DCAF11: variants seen among roughly 807,000 people sequenced by gnomAD.
The protein encoded by DCAF11 is DDB1- and CUL4-associated factor 11.
DCAF11 carries 44 observed loss-of-function variants against 76.1 expected under a neutral mutation model. The ratio of observed to expected loss-of-function variants is 0.58; its 90% CI spans 0.45 to 0.74. DCAF11 has a LOEUF of 0.74. Among genes scored for constraint, DCAF11 ranks in the 30% least tolerant of loss-of-function variants. The pLI, the probability that DCAF11 is intolerant of heterozygous loss-of-function variation, is 0.00. For synonymous variants in DCAF11, 258 were observed against 255.0 expected (o/e 1.01, Z -0.11); for missense variants, 604 against 709.4 (o/e 0.85, Z 1.69).
At chr14:24,116,662 G>T (rs1029854760) in intron 2 of DCAF11, among the ~76,000 whole-genome samples, 4 of 152,220 alleles carry the variant, frequency 2.6e-5, no homozygotes, top group Non-Finnish European at 4.4e-5. Flanking sequence ...AGGAAATGAT[G>T]TTAGAATGTT....
At chr14:24,120,779 CT>C in intron 11 of DCAF11, 58 bp from the exon 12 acceptor site, 1 of 1,596,274 alleles carries the variant, frequency 6.3e-7, no homozygotes, top group Non-Finnish European at 8.6e-7. Context: ...GGGAACTAGA[CT>C]GACAGGCGCC....
chr14:24,115,129 G>T lies in DCAF11; in HGVS notation c.-378G>T, dbSNP rs2037515474. ...CGCTCTGATTGGTCGATAAGGTGGG[G>T]GCGTCGAGGGTCTTTGAGTCCTAAG... is the stretch of plus-strand genomic sequence containing the variant. On this transcript the variant is annotated 5_prime_UTR_variant, in exon 1 of 15. Transcript: ENST00000446197. 31 of 502,212 alleles carry T rather than the reference G, an allele frequency of 6.2e-5. No individual in the cohort carries two copies. The highest frequency in any genetic ancestry group is 7.7e-5 in the Non-Finnish European group (30 of 388,100). 31.1% of individuals were successfully genotyped at this position (502,212 alleles called of 1,614,324 possible). A position where few individuals can be genotyped will look rare whatever the true frequency, so the allele number is the denominator to read the frequency against.
chr14:24,123,407 CATT>C lies in DCAF11; in HGVS notation c.*99_*101del. On this transcript the variant is annotated 3_prime_UTR_variant, in exon 15 of 15. Transcript: ENST00000446197. Reference sequence around the variant, plus strand: ...GGGGAATGTTTGGAGGAATCACTGGCATTTGATGGGGAATAACATAAGCCTGGG... The same window carrying C: ...GGGGAATGTTTGGAGGAATCACTGGCTGATGGGGAATAACATAAGCCTGGG... 1 of 1,469,374 alleles carries C rather than the reference CATT, an allele frequency of 6.8e-7. No homozygotes were observed. The highest frequency in any genetic ancestry group is 9.0e-7 in the Non-Finnish European group (1 of 1,106,752). 91.0% of individuals were successfully genotyped at this position (1,469,374 alleles called of 1,614,324 possible). A position where few individuals can be genotyped will look rare whatever the true frequency, so the allele number is the denominator to read the frequency against.
At position 24,121,395 on chromosome 14, in the gene DCAF11, G is replaced by T. The variant is rs377124544; in HGVS notation, c.1277G>T (p.Ser426Ile). ...CGGAAGCTGAAGCTCCCAGGGGACA[G>T]CTCCTTGATGACCTACCGGGGCCAC... ...AWRKLKLPGD[S>I]SLMTYRGHGV... is the part of the protein sequence containing the mutation. The change falls in exon 13 of 15, where the codon AGC (serine) becomes ATC (isoleucine). Residue 426 changes from serine to isoleucine, a missense_variant. Ser to Ile is a moderately radical substitution (Grantham distance 142). Transcript: ENST00000446197. 1 of 1,614,090 alleles carries T rather than the reference G, an allele frequency of 6.2e-7. No individual in the cohort carries two copies. The highest frequency in any genetic ancestry group is 8.5e-7 in the Non-Finnish European group (1 of 1,180,046).
Position 24,117,932 on chromosome 14 carries a change from T to C in DCAF11, c.477-123T>C, listed in dbSNP as rs1020894890. Reference sequence around the variant, plus strand: ...ATGGTGGAATGGTTGAAAGACGGGATTGCACTCACAGCCAAAAGGGAAGAA... The same window carrying C: ...ATGGTGGAATGGTTGAAAGACGGGACTGCACTCACAGCCAAAAGGGAAGAA... On this transcript the variant is annotated intron_variant, in intron 5 of 14. Coordinates refer to ENST00000446197, the MANE Select transcript of DCAF11 (RefSeq NM_025230.5). This position sits in a 1 kb window ranked among gnomAD's most constrained non-coding sequence, Gnocchi z 4.3. 4 of 889,474 alleles carry C rather than the reference T, an allele frequency of 4.5e-6. No individual in the cohort carries two copies. The highest frequency in any genetic ancestry group is 1.7e-5 in the African/African-American group (1 of 59,552). 55.1% of individuals were successfully genotyped at this position (889,474 alleles called of 1,614,324 possible).
chr14:24,118,799 T>C lies in DCAF11; in HGVS notation c.774T>C (p.Asp258=). ...AGGGAGATACACACACTGCCCTGGA[T>C]CTCAGGTACTGGCTTCCCTTTCTGG... ...YGEGDTHTAL[D]LRPDERRFAV... is the part of the protein sequence containing the mutation. The change falls in exon 8 of 15, where the codon GAT becomes GAC. Residue 258 remains aspartate (D), a synonymous_variant. Coordinates refer to ENST00000446197, the MANE Select transcript of DCAF11 (RefSeq NM_025230.5). The C allele has an allele frequency of 6.2e-7, 1 of 1,614,080 alleles. No homozygotes were observed. Among genetic ancestry groups the C allele is most frequent in the Non-Finnish European group, 8.5e-7 (1 of 1,180,008 alleles).
intron 8 of DCAF11, 114 bp downstream of exon 8, chr14:24,118,918 C>A: frequency 7.9e-7 from 1 of 1,272,592 alleles, no homozygotes; most frequent in Non-Finnish European, 1.1e-6. Context: ...ACTGGTGGGT[C>A]TGTGTGCATT....
intron 12 of DCAF11, 66 bp from the exon 13 acceptor site, chr14:24,121,299 C>T: frequency 1.3e-6 from 2 of 1,596,664 alleles, no homozygotes; most frequent in Non-Finnish European, 1.7e-6. Flanking sequence ...TTGCTCAGGA[C>T]TGGTGGTACG....
Position 24,119,229 on chromosome 14 carries a change from G to T in DCAF11, c.848+16G>T, listed in dbSNP as rs201507419. On this transcript the variant is annotated intron_variant, in intron 9 of 14. Coordinates refer to ENST00000446197, the MANE Select transcript of DCAF11 (RefSeq NM_025230.5). Reference sequence around the variant, plus strand: ...TACTAGGAGGGTAAGTGCTTGTGGGGTATGTTTCCCTCAATAACAAGATGG... The same window carrying T: ...TACTAGGAGGGTAAGTGCTTGTGGGTTATGTTTCCCTCAATAACAAGATGG... The T allele has an allele frequency of 1.2e-6, 2 of 1,614,072 alleles. No individual in the cohort carries two copies. The highest frequency in any genetic ancestry group is 1.7e-6 in the Non-Finnish European group (2 of 1,179,962).
At position 24,120,990 on chromosome 14, in the gene DCAF11, A is replaced by C. The variant is rs143106541; in HGVS notation, c.1245A>C (p.Lys415Asn). The C allele has an allele frequency of 9.9e-6, 16 of 1,614,144 alleles. No individual in the cohort carries two copies. In the Admixed American group the frequency reaches 1.3e-4, roughly 13 times the overall value. The change falls in exon 12 of 15, where the codon AAA (lysine) becomes AAC (asparagine). Residue 415 changes from lysine (K) to asparagine (N), a missense_variant and splice_region_variant. Lys to Asn is a moderately conservative substitution (Grantham distance 94). Coordinates refer to ENST00000446197, the MANE Select transcript of DCAF11 (RefSeq NM_025230.5). ...ATCGGTGGCAGCAAGTGCCCAAAAA[A>C]GGTGAGACTGGAAGTACAGGCACAG... ...WDYRWQQVPK[K>N]AWRKLKLPGD... is the part of the protein sequence containing the mutation.
intron 6 of DCAF11, 44 bp downstream of exon 6, chr14:24,118,199 G>T (rs1464948878): frequency 6.3e-7 from 1 of 1,583,368 alleles, no homozygotes; most frequent in Non-Finnish European, 8.7e-7. Flanking sequence ...CTGGAACATG[G>T]GACATTCCCC....
At position 24,122,513 on chromosome 14, in the gene DCAF11, GA is replaced by G. The variant is rs796958184; in HGVS notation, c.1400-448del. Among the ~76,000 whole-genome samples the G allele has an allele frequency of 6.2e-3, 888 of 142,388 alleles. 9 individuals are homozygous for G. The highest frequency in any genetic ancestry group is 8.3e-3 in the Non-Finnish European group (542 of 65,178). The allele number at this position is 142,388 out of a possible 152,430, so 93.4% of individuals were successfully genotyped here. On this transcript the variant is annotated intron_variant, in intron 13 of 14. Coordinates refer to ENST00000446197, the MANE Select transcript of DCAF11 (RefSeq NM_025230.5). ...CTCAAAAAAAAAAAAAAAAGAAAAA[GA>G]AAAAAAAAACCAGAAGCACAGCTGC... is the stretch of plus-strand genomic sequence containing the variant.
In DCAF11 at chr14:24,117,763, A is replaced by AGGGC. The variant is rs533372987; in HGVS notation, c.476+32_476+35dup. The AGGGC allele has an allele frequency of 3.2e-5, 52 of 1,605,104 alleles. 2 individuals are homozygous for AGGGC. The Admixed American group carries it at 6.5e-4, about 20-fold the overall frequency. ...TATGGGGCTTGGTGAAGAGACTCTA[A>AGGGC]GGGCCAGATAGGTCTTATCTCCTAA... On this transcript the variant is annotated intron_variant, in intron 5 of 14. Coordinates refer to ENST00000446197, the MANE Select transcript of DCAF11 (RefSeq NM_025230.5). This position sits in a 1 kb window ranked among gnomAD's most constrained non-coding sequence, Gnocchi z 4.3.
intron 10 of DCAF11, 22 bp from the exon 11 acceptor site, chr14:24,119,689 T>C (rs1487265377): frequency 1.9e-6 from 3 of 1,614,088 alleles, no homozygotes; most frequent in Non-Finnish European, 2.5e-6. Flanking sequence ...AGGTCTTATA[T>C]CCTGGCCTCC....
rs2037539136 is a variant in DCAF11 at position 24,115,766 on chromosome 14, T to G, written c.155+17T>G. 2 of 1,608,288 alleles carry G rather than the reference T, an allele frequency of 1.2e-6. No individual in the cohort carries two copies. The highest frequency in any genetic ancestry group is 1.7e-6 in the Non-Finnish European group (2 of 1,176,842). Reference sequence around the variant, plus strand: ...CCTCCGCAGGTAACTTACCCTCTGGTGTGACCCCCAGCAGGTGCTACCACA... The same window carrying G: ...CCTCCGCAGGTAACTTACCCTCTGGGGTGACCCCCAGCAGGTGCTACCACA... On this transcript the variant is annotated intron_variant, in intron 2 of 14. Coordinates refer to ENST00000446197, the MANE Select transcript of DCAF11 (RefSeq NM_025230.5).
In DCAF11 at chr14:24,116,929, G is replaced by A. The variant is rs2037590483; in HGVS notation, c.168G>A (p.Arg56=). Residue 56 remains arginine (R), a synonymous_variant, in exon 3 of 15, where the codon AGG becomes AGA. Transcript: ENST00000446197. ...GGTCTCTCCACAGAGGCCAAGTGAG[G>A]TTGGTGCAGGGAGGAGGTGCAGCAA... ...LAYLLRRGQV[R]LVQGGGAANL... 1 of 1,614,168 alleles carries A rather than the reference G, an allele frequency of 6.2e-7. No homozygotes were observed. Among genetic ancestry groups the A allele is most frequent in the Non-Finnish European group, 8.5e-7 (1 of 1,180,022 alleles).
chr14:24,123,185 A>G lies in DCAF11; in HGVS notation c.1517A>G (p.Asn506Ser). The G allele has an allele frequency of 6.2e-7, 1 of 1,610,448 alleles. No individual in the cohort carries two copies. Among genetic ancestry groups the G allele is most frequent in the African/African-American group, 1.3e-5 (1 of 74,980 alleles). ...EKIVSSSWDG[N>S]LRLWQYRQAE... ...CCCTCTGCCCTGCAGTGGGACGGGA[A>G]CCTGCGTCTGTGGCAGTACCGCCAG... The change falls in exon 15 of 15, where the codon AAC becomes AGC. Residue 506 changes from asparagine (N) to serine (S), a missense_variant. Physicochemically the swap from Asn to Ser is conservative, Grantham distance 46 (BLOSUM62 1). Transcript: ENST00000446197.
At chr14:24,122,490 CAAAAA>C (rs552258351) in intron 13 of DCAF11, among the ~76,000 whole-genome samples, 2 of 46,400 alleles carry the variant, frequency 4.3e-5, no homozygotes, top group Admixed American at 2.4e-4. Context: ...GACTCCATCT[CAAAAA>C]AAAAAAAAAA....
At position 24,120,949 on chromosome 14, in the gene DCAF11, C is replaced by G. The variant is rs572390628; in HGVS notation, c.1204C>G (p.Gln402Glu). Residue 402 changes from glutamine to glutamate, a missense_variant, in exon 12 of 15, where the codon CAG (glutamine) becomes GAG (glutamate). Physicochemically the swap from Gln to Glu is conservative, Grantham distance 29 (BLOSUM62 2). Transcript: ENST00000446197. ...GMEASRQAATQQNWDYRWQQV... is the reference protein window; with the variant it reads ...GMEASRQAATEQNWDYRWQQV... ...GGAAGCTTCACGCCAGGCTGCCACA[C>G]AGCAAAACTGGGACTATCGGTGGCA... The G allele has an allele frequency of 5.1e-5, 82 of 1,614,206 alleles. 1 individual carries two copies. In the South Asian group the frequency reaches 8.7e-4, roughly 17 times the overall value.
Sources: gnomAD v4.1 joint callset for allele counts (sites outside exome capture counted in the v4.1 genomes callset) on GRCh38, gnomAD v4.1.1 for gene constraint, Gnocchi (gnomAD v3.1) non-coding constraint, MANE v1.5 for transcripts, NCBI Gene and HGNC (gene_info 2026-07-23, HGNC 2026-07-21) for gene names.